GPHN: variants seen among roughly 807,000 people sequenced by gnomAD.
GPHN encodes gephyrin.
Under a neutral mutation model 95.5 loss-of-function variants are expected in GPHN, and 17 were observed. The observed-to-expected ratio is 0.18, with a 90% confidence interval of 0.12 to 0.27. GPHN has a LOEUF of 0.27. Among genes scored for constraint, GPHN ranks in the 10% least tolerant of loss-of-function variants. The pLI, the probability that GPHN is intolerant of heterozygous loss-of-function variation, is 1.00. For missense variants in GPHN, 660 were observed against 978.1 expected (o/e 0.67, Z 4.34); for synonymous variants, 320 against 322.5 (o/e 0.99, Z 0.08).
chr14:66,765,270 GA>G (rs985372640), intron 2 of GPHN, among the ~76,000 whole-genome samples: 3 of 151,940 alleles, frequency 2.0e-5, no homozygotes, highest in African/African-American at 7.3e-5. Context: ...ATATTTGAAA[GA>G]AAAAAACAGA....
chr14:66,944,467 T>C (rs2067623151), intron 8 of GPHN, among the ~76,000 whole-genome samples: 1 of 152,168 alleles, frequency 6.6e-6, no homozygotes, highest in Admixed American at 6.6e-5. Flanking sequence ...GTCATGCAAA[T>C]CACACCAGAT....
At chr14:66,556,600 T>C (rs571869428) in intron 1 of GPHN, among the ~76,000 whole-genome samples, 4 of 152,154 alleles carry the variant, frequency 2.6e-5, no homozygotes, top group Non-Finnish European at 5.9e-5. Context: ...ATGAAACTAT[T>C]TATATTCACA....
At chr14:67,732,536 C>CAAAAA in the GPHN span, among the ~76,000 whole-genome samples, 414 of 130,110 alleles carry the variant, frequency 3.2e-3, 5 homozygotes, top group South Asian at 0.016. Context: ...CCAAACAAAG[C>CAAAAA]AAAAAAAAAA....
chr14:66,878,901 T>A (rs1036642986), intron 4 of GPHN, among the ~76,000 whole-genome samples: 3 of 152,164 alleles, frequency 2.0e-5, no homozygotes, highest in Admixed American at 6.5e-5. Context: ...TAAAGACACA[T>A]GCACACATAT....
the GPHN span, among the ~76,000 whole-genome samples, chr14:67,636,439 C>T: frequency 0.083 from 12,706 of 152,278 alleles, 556 homozygotes; most frequent in Middle Eastern, 0.18. Flanking sequence ...AGAATGAGCA[C>T]GTATCTGTAG....
At chr14:67,561,886 A>AAAT in the GPHN span, 1 of 1,108,316 alleles carries the variant, frequency 9.0e-7, no homozygotes, top group Non-Finnish European at 1.3e-6. Flanking sequence ...AAAAAAAAAA[A>AAAT]GAATTGAAAA....
At chr14:67,198,256 T>C in the GPHN span, 2 of 1,613,946 alleles carry the variant, frequency 1.2e-6, no homozygotes, top group South Asian at 1.1e-5. Context: ...CTTCAAAATA[T>C]GTTGGATGGA....
At chr14:67,144,244 A>ATATATATATATATAT (rs1222844885) in intron 18 of GPHN, among the ~76,000 whole-genome samples, 1 of 67,650 alleles carries the variant, frequency 1.5e-5, no homozygotes, top group Non-Finnish European at 2.5e-5. Flanking sequence ...CTTAAAAAAA[A>ATATATATATATATAT]AAAAAAATAT....
intron 3 of GPHN, among the ~76,000 whole-genome samples, chr14:66,804,693 G>A (rs72728660): frequency 0.024 from 3,685 of 152,146 alleles, 69 homozygotes; most frequent in Non-Finnish European, 0.036. Context: ...GACATTATCC[G>A]TTTTACTCTG....
chr14:66,908,232 A>G (rs995643772), intron 5 of GPHN, among the ~76,000 whole-genome samples: 4 of 151,914 alleles, frequency 2.6e-5, no homozygotes, highest in African/African-American at 7.3e-5. Context: ...TACAAGATGA[A>G]CCTGGTATAT....
chr14:67,366,060 A>G, the GPHN span, among the ~76,000 whole-genome samples: 1 of 151,916 alleles, frequency 6.6e-6, no homozygotes, highest in African/African-American at 2.4e-5. Context: ...AGTAGTACCT[A>G]AAGTAGTGTC....
chr14:67,575,516 C>CGGGG, the GPHN span: 13 of 1,213,320 alleles, frequency 1.1e-5, no homozygotes, highest in Non-Finnish European at 1.6e-5. Context: ...CTGCTTCCCC[C>CGGGG]GAAGCACATG....
the GPHN span, among the ~76,000 whole-genome samples, chr14:67,323,241 G>GTGTGTGTGTGTC: frequency 2.6e-5 from 3 of 113,240 alleles, no homozygotes; most frequent in African/African-American, 1.6e-4. Flanking sequence ...ACGTGTGTGT[G>GTGTGTGTGTGTC]TGTGTGTGTG....
intron 2 of GPHN, among the ~76,000 whole-genome samples, chr14:66,746,437 A>G (rs944328636): frequency 2.6e-5 from 4 of 152,072 alleles, no homozygotes; most frequent in African/African-American, 4.8e-5. Context: ...TCTATTTTAC[A>G]AGACTTTGGT....
the GPHN span, among the ~76,000 whole-genome samples, chr14:67,527,931 G>A: frequency 1.3e-5 from 2 of 152,182 alleles, no homozygotes; most frequent in African/African-American, 2.4e-5. Context: ...AGGTCAAGGA[G>A]CATGAAGAGG....
chr14:67,615,694 T>G, the GPHN span: 2 of 495,072 alleles, frequency 4.0e-6, no homozygotes, highest in Non-Finnish European at 7.9e-6. Context: ...CAAGGCCCGT[T>G]ACGAAAGAGA....
At chr14:67,301,701 C>A in the GPHN span, among the ~76,000 whole-genome samples, 1 of 152,044 alleles carries the variant, frequency 6.6e-6, no homozygotes, top group Non-Finnish European at 1.5e-5. Flanking sequence ...TTCTTCCCCC[C>A]TTTGGTTGTA....
chr14:66,517,977 G>T (rs947118943), intron 1 of GPHN, among the ~76,000 whole-genome samples: 2 of 151,774 alleles, frequency 1.3e-5, no homozygotes, highest in Non-Finnish European at 2.9e-5. Context: ...ATACAGCAAA[G>T]GAAATAACCA....
the GPHN span, among the ~76,000 whole-genome samples, chr14:67,544,189 C>A: frequency 6.6e-6 from 1 of 152,196 alleles, no homozygotes; most frequent in South Asian, 2.1e-4. Flanking sequence ...AAAGGAAAAT[C>A]ATTCACTGGC....
Sources: gnomAD v4.1 joint callset for allele counts (sites outside exome capture counted in the v4.1 genomes callset) on GRCh38, gnomAD v4.1.1 for gene constraint, MANE v1.5 for transcripts, NCBI Gene and HGNC (gene_info 2026-07-23, HGNC 2026-07-21) for gene names.